The following RBFOX3 variants were observed in gnomAD, a reference collection of about 807,000 sequenced individuals.
The protein encoded by RBFOX3 is RNA binding fox-1 homolog 3.
RBFOX3 carries 17 observed loss-of-function variants against 48.7 expected under a neutral mutation model. The ratio of observed to expected loss-of-function variants is 0.35; its 90% CI spans 0.24 to 0.52. The LOEUF is 0.52. Ranked by LOEUF, RBFOX3 falls within the 20% of genes least tolerant of loss-of-function variation. The pLI, the probability that RBFOX3 is intolerant of heterozygous loss-of-function variation, is 0.94. For synonymous variants in RBFOX3, 212 were observed against 209.5 expected, an observed-to-expected ratio of 1.01 and a Z score of -0.10; for missense variants, 382 against 497.5, an observed-to-expected ratio of 0.77 and a Z score of 2.21.
At chr17:79,165,671 T>C (rs1006267755) in intron 4 of RBFOX3, among the ~76,000 whole-genome samples, 3 of 152,162 alleles carry the variant, frequency 2.0e-5, no homozygotes, top group Admixed American at 2.0e-4. Context: ...CTTTCGCAGG[T>C]GCCTCAGACA....
rs930147428 is a variant in RBFOX3 at position 79,571,492 on chromosome 17, C to T, written c.-320+39334G>A. Among the ~76,000 whole-genome samples the T allele has an allele frequency of 8.8e-3, 1,344 of 152,062 alleles. 23 individuals are homozygous for T. The highest frequency in any genetic ancestry group is 0.031 in the African/African-American group (1,298 of 41,486). ...TAAAAGAAGTGTCATAAGTGTTTTT[C>T]ATCTGCTTGGGTGTCCCCACTCCCA... On this transcript the variant is annotated intron_variant, in intron 1 of 14. Coordinates refer to ENST00000693108, the MANE Select transcript of RBFOX3 (RefSeq NM_001350451.2).
chr17:79,437,543 G>A (rs2148959492), intron 2 of RBFOX3, among the ~76,000 whole-genome samples: 1 of 152,334 alleles, frequency 6.6e-6, no homozygotes, highest in East Asian at 1.9e-4. Flanking sequence ...CACCCGGTAG[G>A]AGCTGGGCCC....
At chr17:79,170,274 AG>A (rs2048986939) in intron 4 of RBFOX3, among the ~76,000 whole-genome samples, 1 of 152,134 alleles carries the variant, frequency 6.6e-6, no homozygotes, top group Non-Finnish European at 1.5e-5. Context: ...TCCAGCTTCC[AG>A]GAGGGCCAAG....
the RBFOX3 span, among the ~76,000 whole-genome samples, chr17:79,664,061 C>A: frequency 3.9e-5 from 6 of 152,162 alleles, no homozygotes; most frequent in Non-Finnish European, 5.9e-5. Flanking sequence ...GGGGTTCCTG[C>A]ACTACTGGAA....
At chr17:79,276,557 C>T (rs1341670299) in intron 3 of RBFOX3, among the ~76,000 whole-genome samples, 7 of 151,934 alleles carry the variant, frequency 4.6e-5, no homozygotes, top group South Asian at 2.1e-4. Context: ...TGGTGGTGGG[C>T]GCCTGTAATC....
intron 1 of RBFOX3, among the ~76,000 whole-genome samples, chr17:79,494,832 T>C (rs1405769186): frequency 2.6e-5 from 4 of 152,144 alleles, no homozygotes; most frequent in African/African-American, 9.6e-5. Flanking sequence ...AACACCAGCA[T>C]CCGGTCCAGG....
intron 1 of RBFOX3, among the ~76,000 whole-genome samples, chr17:79,606,489 T>C (rs1158925824): frequency 1.3e-5 from 2 of 152,152 alleles, no homozygotes; most frequent in African/African-American, 4.8e-5. Flanking sequence ...ATGCAACTGA[T>C]AGACTGAGCT....
chr17:79,623,073 C>T, the RBFOX3 span, among the ~76,000 whole-genome samples: 15 of 152,174 alleles, frequency 9.9e-5, no homozygotes, highest in African/African-American at 3.4e-4. Context: ...GAAACGTGCC[C>T]CAGCCCTGTT....
Position 79,451,665 on chromosome 17 carries a change from C to T in RBFOX3, c.-175+30789G>A, listed in dbSNP as rs148834255. On this transcript the variant is annotated intron_variant, in intron 2 of 14. Coordinates refer to ENST00000693108, the MANE Select transcript of RBFOX3 (RefSeq NM_001350451.2). ...GGAGCACCCACCCCTGGTGAGGAGG[C>T]AGCCCAGGCTCAAGCCTTGGCTCTG... Among the ~76,000 whole-genome samples, 31 of 152,344 alleles carry T rather than the reference C, an allele frequency of 2.0e-4. No individual in the cohort carries two copies. The Middle Eastern group carries it at 0.014, about 67-fold the overall frequency.
chr17:79,490,836 A>G (rs1256475697), intron 1 of RBFOX3, among the ~76,000 whole-genome samples: 2 of 151,254 alleles, frequency 1.3e-5, no homozygotes, highest in Non-Finnish European at 2.9e-5. Flanking sequence ...TCAGCACCAC[A>G]GCTAAGCCAT....
intron 3 of RBFOX3, among the ~76,000 whole-genome samples, chr17:79,307,411 G>A (rs1441810066): frequency 6.6e-6 from 1 of 152,214 alleles, no homozygotes; most frequent in Admixed American, 6.5e-5. Flanking sequence ...GGAATTTATG[G>A]GCAACCCAAG....
At chr17:79,209,041 G>T (rs8066445) in intron 4 of RBFOX3, among the ~76,000 whole-genome samples, 1 of 151,694 alleles carries the variant, frequency 6.6e-6, no homozygotes, top group East Asian at 1.9e-4. Flanking sequence ...GGATGGTCTC[G>T]ATCTCCTGAC....
At chr17:79,097,824 C>T in intron 9 of RBFOX3, 79 bp from the exon 10 acceptor site, 2 of 1,444,252 alleles carry the variant, frequency 1.4e-6, no homozygotes, top group Non-Finnish European at 1.9e-6. Flanking sequence ...GGAACCCCAG[C>T]GACACCGGTG....
chr17:79,545,572 G>A (rs193296121), intron 1 of RBFOX3, among the ~76,000 whole-genome samples: 4 of 152,274 alleles, frequency 2.6e-5, no homozygotes, highest in South Asian at 4.2e-4. Flanking sequence ...TTCCCAGGTC[G>A]CTTCCTTCCA....
intron 4 of RBFOX3, among the ~76,000 whole-genome samples, chr17:79,192,476 A>G (rs2054711922): frequency 1.3e-5 from 2 of 152,250 alleles, no homozygotes; most frequent in Admixed American, 1.3e-4. Flanking sequence ...CAGCCCCGCA[A>G]TAGATCAAAC....
rs1001135978 is a variant in RBFOX3 at position 79,256,927 on chromosome 17, A to T, written c.-73-21122T>A. ...ACAGAGTGAGACACCATCTCAAAAC[A>T]AACAAACAAACAAAACAAAACAAAA... On this transcript the variant is annotated intron_variant, in intron 3 of 14. Transcript: ENST00000693108. Among the ~76,000 whole-genome samples, 4 of 145,058 alleles carry T rather than the reference A, an allele frequency of 2.8e-5. No individual in the cohort carries two copies. In the East Asian group the frequency reaches 8.1e-4, roughly 29 times the overall value.
chr17:79,535,738 C>A lies in RBFOX3; in HGVS notation c.-319-53140G>T, dbSNP rs2088615002. ...ATAGGAATAACGTGTCCTCTGCACC[C>A]AGGAAGCCTGCAGCACTGAGCCGTC... On this transcript the variant is annotated intron_variant, in intron 1 of 14. Transcript: ENST00000693108. This position sits in a 1 kb window ranked among gnomAD's most constrained non-coding sequence, Gnocchi z 4.5. Among the ~76,000 whole-genome samples, 2 of 152,190 alleles carry A rather than the reference C, an allele frequency of 1.3e-5. No homozygotes were observed.
intron 1 of RBFOX3, among the ~76,000 whole-genome samples, chr17:79,587,836 A>G (rs1025256499): frequency 2.6e-5 from 4 of 152,120 alleles, no homozygotes; most frequent in African/African-American, 9.7e-5. Context: ...AGGACGGAAC[A>G]TTTGAGTTGG....
chr17:79,495,675 G>A (rs895299940), intron 1 of RBFOX3, among the ~76,000 whole-genome samples: 12 of 143,630 alleles, frequency 8.4e-5, no homozygotes, highest in African/African-American at 3.2e-4. Context: ...GGAATGCATG[G>A]GACAGGCACA....
Sources: gnomAD v4.1 joint callset for allele counts (sites outside exome capture counted in the v4.1 genomes callset) on GRCh38, gnomAD v4.1.1 for gene constraint, Gnocchi (gnomAD v3.1) non-coding constraint, MANE v1.5 for transcripts, NCBI Gene and HGNC (gene_info 2026-07-23, HGNC 2026-07-21) for gene names.